Variants in GALNTL6 observed in about 807,000 individuals in gnomAD.
GALNTL6 encodes the protein polypeptide N-acetylgalactosaminyltransferase like 6.
GALNTL6 carries 46 observed loss-of-function variants against 73.7 expected under a neutral mutation model. That is an observed-to-expected ratio of 0.62 (90% CI 0.49 to 0.80). The LOEUF is 0.80. Among genes scored for constraint, GALNTL6 ranks in the 30% least tolerant of loss-of-function variants. The pLI is 0.00. For missense variants in GALNTL6, 604 were observed against 755.0 expected, an observed-to-expected ratio of 0.80 and a Z score of 2.34; for synonymous variants, 259 against 263.7, an observed-to-expected ratio of 0.98 and a Z score of 0.17.
chr4:172,947,000 G>A (rs879634451), intron 9 of GALNTL6, among the ~76,000 whole-genome samples: 1 of 152,154 alleles, frequency 6.6e-6, no homozygotes, highest in Non-Finnish European at 1.5e-5. Context: ...ACGTAAGAGA[G>A]AGATTTTTGA....
chr4:172,858,094 T>C (rs1277786275), intron 7 of GALNTL6, among the ~76,000 whole-genome samples: 2 of 152,184 alleles, frequency 1.3e-5, no homozygotes, highest in South Asian at 2.1e-4. Flanking sequence ...TTAGATATAA[T>C]TTCCCAAAAT....
At chr4:172,260,914 T>A (rs1020534167) in intron 3 of GALNTL6, among the ~76,000 whole-genome samples, 5 of 151,616 alleles carry the variant, frequency 3.3e-5, no homozygotes, top group Non-Finnish European at 7.4e-5. Context: ...ATTATTGACT[T>A]GTGAATATTA....
At chr4:171,887,178 A>G (rs1297179599) in intron 2 of GALNTL6, among the ~76,000 whole-genome samples, 1 of 152,220 alleles carries the variant, frequency 6.6e-6, no homozygotes, top group Non-Finnish European at 1.5e-5. Context: ...GCCCTTTATA[A>G]CATTAATCCC....
At chr4:172,309,850 A>G (rs897312814) in intron 3 of GALNTL6, among the ~76,000 whole-genome samples, 4 of 152,156 alleles carry the variant, frequency 2.6e-5, no homozygotes, top group Admixed American at 1.3e-4. Context: ...TACAAACAAT[A>G]CAATGAAGGT....
intron 2 of GALNTL6, among the ~76,000 whole-genome samples, chr4:171,849,739 G>C (rs1171705425): frequency 1.3e-5 from 2 of 152,228 alleles, no homozygotes; most frequent in Admixed American, 6.5e-5. Context: ...TTCTCGTAAA[G>C]GAAGAAGGTG....
intron 5 of GALNTL6, among the ~76,000 whole-genome samples, chr4:172,382,772 T>C (rs1743329773): frequency 6.6e-6 from 1 of 152,154 alleles, no homozygotes; most frequent in African/African-American, 2.4e-5. Flanking sequence ...CATTTTTGCC[T>C]ATTGTGTGAA....
intron 2 of GALNTL6, among the ~76,000 whole-genome samples, chr4:172,193,049 G>A (rs1560962779): frequency 6.6e-6 from 1 of 152,250 alleles, no homozygotes; most frequent in Non-Finnish European, 1.5e-5. Flanking sequence ...TGGAGGGGCA[G>A]TGGCAGTCTC....
At chr4:172,640,246 TC>T (rs1220391090) in intron 5 of GALNTL6, among the ~76,000 whole-genome samples, 1 of 152,124 alleles carries the variant, frequency 6.6e-6, no homozygotes. Context: ...GAACATTCCC[TC>T]CCACGTGTCA....
intron 2 of GALNTL6, among the ~76,000 whole-genome samples, chr4:172,036,806 A>G (rs1208282724): frequency 6.6e-6 from 1 of 152,104 alleles, no homozygotes; most frequent in Non-Finnish European, 1.5e-5. Context: ...TTTATTACAC[A>G]AAGGTTATTC....
At chr4:172,221,179 C>T (rs1736663746) in intron 2 of GALNTL6, among the ~76,000 whole-genome samples, 1 of 151,758 alleles carries the variant, frequency 6.6e-6, no homozygotes, top group Admixed American at 6.6e-5. Context: ...AAGATCATAG[C>T]TTTTTCTACC....
At chr4:172,708,070 T>A (rs1560894971) in intron 5 of GALNTL6, among the ~76,000 whole-genome samples, 1 of 152,048 alleles carries the variant, frequency 6.6e-6, no homozygotes, top group Non-Finnish European at 1.5e-5. Context: ...AAAACAAAAC[T>A]TTTTTCTCCT....
chr4:172,991,486 G>A (rs1406847945), intron 10 of GALNTL6, among the ~76,000 whole-genome samples: 1 of 151,698 alleles, frequency 6.6e-6, no homozygotes, highest in African/African-American at 2.4e-5. Context: ...GCAATTCTCT[G>A]CCTCCCAGGT....
At chr4:172,810,321 A>G (rs569117134) in intron 6 of GALNTL6, among the ~76,000 whole-genome samples, 3 of 152,200 alleles carry the variant, frequency 2.0e-5, no homozygotes, top group Non-Finnish European at 4.4e-5. Context: ...TTGTTTTAAA[A>G]TGAAGTAAAA....
intron 2 of GALNTL6, among the ~76,000 whole-genome samples, chr4:172,078,306 ACTCT>A (rs1731771931): frequency 6.6e-6 from 1 of 151,418 alleles, no homozygotes. Context: ...CCCTTTGCTC[ACTCT>A]CTCTCCTGTC....
intron 5 of GALNTL6, among the ~76,000 whole-genome samples, chr4:172,737,163 G>A (rs1736519375): frequency 6.6e-6 from 1 of 152,134 alleles, no homozygotes; most frequent in Admixed American, 6.5e-5. Context: ...TTCAAGTTTT[G>A]AAACACTTTC....
At chr4:172,035,233 G>A (rs1741898094) in intron 2 of GALNTL6, among the ~76,000 whole-genome samples, 1 of 151,970 alleles carries the variant, frequency 6.6e-6, no homozygotes, top group Non-Finnish European at 1.5e-5. Context: ...AACATGTAAA[G>A]TTTTCAAGAA....
chr4:171,955,914 T>A (rs1212499108), intron 2 of GALNTL6, among the ~76,000 whole-genome samples: 1 of 152,228 alleles, frequency 6.6e-6, no homozygotes, highest in Non-Finnish European at 1.5e-5. Flanking sequence ...GTACATATTT[T>A]GTTTTATTAG....
At chr4:172,147,282 T>G (rs1349560403) in intron 2 of GALNTL6, among the ~76,000 whole-genome samples, 1 of 152,210 alleles carries the variant, frequency 6.6e-6, no homozygotes, top group African/African-American at 2.4e-5. Context: ...GCAAGCAAAA[T>G]TCCAGCATAA....
intron 5 of GALNTL6, among the ~76,000 whole-genome samples, chr4:172,368,434 A>G (rs1233224000): frequency 1.3e-5 from 2 of 152,178 alleles, no homozygotes; most frequent in East Asian, 1.9e-4. Flanking sequence ...TGTTATCCAG[A>G]ACCTTGCAAC....
Sources: allele counts gnomAD v4.1 joint callset (sites outside exome capture counted in the v4.1 genomes callset), GRCh38; gene constraint gnomAD v4.1.1; transcripts MANE v1.5; gene names NCBI Gene and HGNC (gene_info 2026-07-23, HGNC 2026-07-21).